The following ANTXR1 variants were observed in gnomAD, a reference collection of about 807,000 sequenced individuals.
ANTXR1 encodes the protein ANTXR cell adhesion molecule 1, also known as anthrax toxin receptor 1.
ANTXR1 carries 19 observed loss-of-function variants against 78.1 expected under a neutral mutation model. That is an observed-to-expected ratio of 0.24 (90% CI 0.17 to 0.36). ANTXR1 has a LOEUF of 0.36. ANTXR1 is among the 10% of genes least tolerant of loss of function. The pLI, the probability that ANTXR1 is intolerant of heterozygous loss-of-function variation, is 1.00. For synonymous variants in ANTXR1, 273 were observed against 260.5 expected (o/e 1.05, Z -0.46); for missense variants, 518 against 718.6 (o/e 0.72, Z 3.19).
At chr2:69,058,049 C>A (rs1001979339) in intron 3 of ANTXR1, among the ~76,000 whole-genome samples, 2 of 152,092 alleles carry the variant, frequency 1.3e-5, no homozygotes, top group African/African-American at 2.4e-5. Flanking sequence ...GAGGAAGCTG[C>A]AGAAAAAAAG....
At chr2:69,100,096 C>T (rs1671558799) in intron 9 of ANTXR1, among the ~76,000 whole-genome samples, 1 of 152,210 alleles carries the variant, frequency 6.6e-6, no homozygotes, top group Admixed American at 6.5e-5. Flanking sequence ...AGCCAACATA[C>T]AAGTTGCCTA....
chr2:69,073,116 G>A lies in ANTXR1; in HGVS notation c.492+15G>A. On this transcript the variant is annotated intron_variant, in intron 6 of 17. Transcript: ENST00000303714. ...CAGAGAGGGAGGTAAGCAACGGCCT[G>A]GCTGTGTCTAAACATATACATGGAA... 1 of 1,613,380 alleles carries A rather than the reference G, an allele frequency of 6.2e-7. No homozygotes were observed.
At chr2:69,142,408 G>A (rs1573927849) in intron 12 of ANTXR1, among the ~76,000 whole-genome samples, 1 of 152,208 alleles carries the variant, frequency 6.6e-6, no homozygotes, top group Non-Finnish European at 1.5e-5. Context: ...GTCTTCTAGG[G>A]GCTTCTAATT....
intron 13 of ANTXR1, among the ~76,000 whole-genome samples, chr2:69,156,607 G>A (rs1673531621): frequency 6.6e-6 from 1 of 152,228 alleles, no homozygotes; most frequent in Non-Finnish European, 1.5e-5. Context: ...GAGGCCTCAG[G>A]AAGGTTCCAG....
At chr2:69,149,696 G>A (rs906447113) in intron 12 of ANTXR1, among the ~76,000 whole-genome samples, 5 of 152,152 alleles carry the variant, frequency 3.3e-5, no homozygotes, top group African/African-American at 9.7e-5. Context: ...GAGGGAGAGC[G>A]AGTTCCAGCT....
intron 17 of ANTXR1, among the ~76,000 whole-genome samples, chr2:69,209,893 G>T (rs1674998432): frequency 1.3e-5 from 2 of 152,236 alleles, no homozygotes; most frequent in African/African-American, 4.8e-5. Flanking sequence ...GGGGAGACAA[G>T]TGCCCTAGCA....
chr2:69,109,199 C>G (rs984421865), intron 10 of ANTXR1, among the ~76,000 whole-genome samples: 1 of 152,060 alleles, frequency 6.6e-6, no homozygotes, highest in Non-Finnish European at 1.5e-5. Context: ...AAATGGGGCC[C>G]GATGCACAGT....
intron 3 of ANTXR1, among the ~76,000 whole-genome samples, chr2:69,062,268 T>C (rs184137695): frequency 5.9e-5 from 9 of 152,294 alleles, no homozygotes; most frequent in Admixed American, 1.3e-4. Flanking sequence ...CATTTCTGCA[T>C]TTTTCCAAGA....
intron 12 of ANTXR1, among the ~76,000 whole-genome samples, chr2:69,142,257 C>T (rs750577068): frequency 1.3e-5 from 2 of 152,184 alleles, no homozygotes; most frequent in African/African-American, 2.4e-5. Context: ...TTCCTGCTAC[C>T]CACTAACTAT....
intron 3 of ANTXR1, among the ~76,000 whole-genome samples, chr2:69,070,065 TC>T (rs1670521990): frequency 6.6e-6 from 1 of 152,220 alleles, no homozygotes; most frequent in South Asian, 2.1e-4. Context: ...GTTGAACTCT[TC>T]CTGCCCGCAC....
chr2:69,014,781 A>G (rs1670972512), intron 1 of ANTXR1, among the ~76,000 whole-genome samples: 1 of 152,234 alleles, frequency 6.6e-6, no homozygotes, highest in African/African-American at 2.4e-5. Context: ...TAAGCTGGCT[A>G]GCTAGACACC....
intron 13 of ANTXR1, among the ~76,000 whole-genome samples, chr2:69,162,491 C>T (rs78529496): frequency 2.0e-5 from 3 of 152,180 alleles, no homozygotes; most frequent in African/African-American, 7.2e-5. Flanking sequence ...TAGGGATCTG[C>T]AAGAGGAAAC....
intron 12 of ANTXR1, among the ~76,000 whole-genome samples, chr2:69,137,013 C>G (rs919997167): frequency 6.6e-6 from 1 of 152,132 alleles, no homozygotes; most frequent in African/African-American, 2.4e-5. Flanking sequence ...CCCCACCTAC[C>G]CCTTTCCTTC....
chr2:69,160,840 A>G (rs1193706361), intron 13 of ANTXR1, among the ~76,000 whole-genome samples: 3 of 152,136 alleles, frequency 2.0e-5, no homozygotes, highest in Non-Finnish European at 4.4e-5. Context: ...ACACTTATTA[A>G]CATACTGACA....
chr2:69,124,685 T>C lies in ANTXR1; in HGVS notation c.951+42T>C, dbSNP rs150600769. On this transcript the variant is annotated intron_variant, in intron 12 of 17. Transcript: ENST00000303714. ...CCCTTTACTAAAGATCTCATTATCA[T>C]TGTCACTATCAACGTTTCTTAAGCA... is the stretch of plus-strand genomic sequence containing the variant. 133 of 1,599,400 alleles carry C rather than the reference T, an allele frequency of 8.3e-5. No homozygotes were observed. In the East Asian group the frequency reaches 2.9e-3, roughly 35 times the overall value.
chr2:69,204,001 A>G (rs1047901423), intron 17 of ANTXR1, among the ~76,000 whole-genome samples: 4 of 152,040 alleles, frequency 2.6e-5, no homozygotes, highest in Non-Finnish European at 4.4e-5. Context: ...GGATTGAGGG[A>G]GGTAGGGATT....
rs919749268 is a variant in ANTXR1, at chr2:69,212,432, G to A, written c.1434+19017G>A. Reference sequence around the variant, plus strand: ...AGGCAGCTCCCAGGAGGTGTTCCTGGCACCATGCCACACTTAGCTGCAGGG... The same window carrying A: ...AGGCAGCTCCCAGGAGGTGTTCCTGACACCATGCCACACTTAGCTGCAGGG... On this transcript the variant is annotated intron_variant, in intron 17 of 17. Transcript: ENST00000303714. 3.3e-5 allele frequency among the ~76,000 whole-genome samples: 5 copies of A among 152,322 alleles called. No homozygotes were observed. In the South Asian group the frequency reaches 1.0e-3, roughly 32 times the overall value.
At chr2:69,035,437 A>G (rs1671651637) in intron 1 of ANTXR1, among the ~76,000 whole-genome samples, 2 of 152,144 alleles carry the variant, frequency 1.3e-5, no homozygotes, top group South Asian at 2.1e-4. Flanking sequence ...GAAGTTTCGG[A>G]AATAAAGAGT....
intron 17 of ANTXR1, 51 bp downstream of exon 17, chr2:69,193,466 C>CAT: frequency 3.1e-6 from 2 of 650,046 alleles, no homozygotes; most frequent in Non-Finnish European, 4.9e-6. Flanking sequence ...CTCTCACATA[C>CAT]ACACACACAC....
Sources: allele counts gnomAD v4.1 joint callset (sites outside exome capture counted in the v4.1 genomes callset), GRCh38; gene constraint gnomAD v4.1.1; transcripts MANE v1.5; gene names NCBI Gene and HGNC (gene_info 2026-07-23, HGNC 2026-07-21).